The following PELI2 variants were observed in gnomAD, a reference collection of about 807,000 sequenced individuals.
PELI2 encodes E3 ubiquitin-protein ligase pellino homolog 2.
A neutral mutation model predicts 42.3 loss-of-function variants in PELI2; 23 were observed. The observed-to-expected ratio is 0.54, with a 90% CI of 0.39 to 0.77. PELI2 has a LOEUF of 0.77. PELI2 is among the 30% of genes least tolerant of loss of function. The pLI is 0.00. For synonymous variants in PELI2, 245 were observed against 212.2 expected, an observed-to-expected ratio of 1.15 and a Z score of -1.34; for missense variants, 463 against 553.2, an observed-to-expected ratio of 0.84 and a Z score of 1.64.
At chr14:56,172,644 G>A (rs1248581816) in intron 1 of PELI2, among the ~76,000 whole-genome samples, 1 of 152,164 alleles carries the variant, frequency 6.6e-6, no homozygotes, top group East Asian at 1.9e-4. Flanking sequence ...GGACTGAAAA[G>A]CCAGCAAGTA....
At chr14:56,192,926 G>A (rs1168900855) in intron 2 of PELI2, among the ~76,000 whole-genome samples, 1 of 152,180 alleles carries the variant, frequency 6.6e-6, no homozygotes, top group Non-Finnish European at 1.5e-5. Flanking sequence ...GTAATAATAA[G>A]TGAGAAAATT....
At chr14:56,181,349 T>A (rs1885571956) in intron 2 of PELI2, among the ~76,000 whole-genome samples, 2 of 150,450 alleles carry the variant, frequency 1.3e-5, no homozygotes. Flanking sequence ...ACTTTTTTTT[T>A]TTTTTTTTTT....
chr14:56,142,192 A>C (rs1384550511), intron 1 of PELI2, among the ~76,000 whole-genome samples: 1 of 152,236 alleles, frequency 6.6e-6, no homozygotes, highest in Non-Finnish European at 1.5e-5. Flanking sequence ...GTAAATAGGC[A>C]ACAAATATAT....
chr14:56,250,947 G>C (rs773416860), intron 2 of PELI2, among the ~76,000 whole-genome samples: 4 of 152,232 alleles, frequency 2.6e-5, no homozygotes, highest in Non-Finnish European at 5.9e-5. Context: ...AGCAAGGGAA[G>C]AAGCTGGGAA....
chr14:56,212,571 A>G (rs1269885990), intron 2 of PELI2, among the ~76,000 whole-genome samples: 1 of 152,174 alleles, frequency 6.6e-6, no homozygotes, highest in Non-Finnish European at 1.5e-5. Context: ...TCTGAGGACA[A>G]CTGAAGCTCC....
chr14:56,162,558 T>C (rs1884804378), intron 1 of PELI2, among the ~76,000 whole-genome samples: 1 of 152,218 alleles, frequency 6.6e-6, no homozygotes, highest in Non-Finnish European at 1.5e-5. Context: ...TTGTAAACAG[T>C]GCTGCAGCAA....
At chr14:56,278,700 A>C (rs1889378542) in intron 2 of PELI2, among the ~76,000 whole-genome samples, 1 of 152,190 alleles carries the variant, frequency 6.6e-6, no homozygotes, top group South Asian at 2.1e-4. Flanking sequence ...GTCAAATATA[A>C]ATGTTTAGTA....
chr14:56,248,091 G>A (rs192025615), intron 2 of PELI2, among the ~76,000 whole-genome samples: 3 of 152,294 alleles, frequency 2.0e-5, no homozygotes, highest in Admixed American at 6.5e-5. Context: ...TTTTTAGCAC[G>A]ATCAGATTGA....
chr14:56,238,700 T>C (rs1371656844), intron 2 of PELI2, among the ~76,000 whole-genome samples: 2 of 152,352 alleles, frequency 1.3e-5, no homozygotes, highest in East Asian at 3.9e-4. Flanking sequence ...AATTAATTCA[T>C]TACTAAGATA....
At chr14:56,163,731 G>A (rs915091743) in intron 1 of PELI2, among the ~76,000 whole-genome samples, 4 of 151,570 alleles carry the variant, frequency 2.6e-5, no homozygotes, top group African/African-American at 9.7e-5. Context: ...TCATTTTTTG[G>A]TGTCCTCTTC....
chr14:56,260,410 G>C (rs1440419965), intron 2 of PELI2, among the ~76,000 whole-genome samples: 1 of 152,146 alleles, frequency 6.6e-6, no homozygotes, highest in African/African-American at 2.4e-5. Flanking sequence ...ACATTTGTAT[G>C]AAATTCCAGA....
At chr14:56,283,540 C>T (rs72720076) in intron 3 of PELI2, among the ~76,000 whole-genome samples, 1,895 of 152,306 alleles carry the variant, frequency 0.012, 16 homozygotes, top group Non-Finnish European at 0.018. Flanking sequence ...GACCCCATGG[C>T]AGGGTCTCAG....
At chr14:56,131,295 T>C (rs1473072654) in intron 1 of PELI2, among the ~76,000 whole-genome samples, 1 of 152,248 alleles carries the variant, frequency 6.6e-6, no homozygotes, top group Non-Finnish European at 1.5e-5. Flanking sequence ...TTCTGAGAGC[T>C]GGCATAGCTT....
In PELI2 at chr14:56,298,108, T is replaced by A. The variant is rs1333736471; in HGVS notation, c.*942T>A. ...GAGGTTTCATAAAGCTTGGGGTTTTTTTTTTTCCTTTGTTAAGAAAGCCAA... is the reference window on the plus strand; with the variant it reads ...GAGGTTTCATAAAGCTTGGGGTTTTATTTTTTCCTTTGTTAAGAAAGCCAA... On this transcript the variant is annotated 3_prime_UTR_variant, in exon 6 of 6. Coordinates refer to ENST00000267460, the MANE Select transcript of PELI2 (RefSeq NM_021255.3). The A allele has an allele frequency of 2.6e-5, 4 of 152,482 alleles. No individual in the cohort carries two copies. The highest frequency in any genetic ancestry group is 5.9e-5 in the Non-Finnish European group (4 of 68,000). 9.4% of individuals were successfully genotyped at this position (152,482 alleles called of 1,614,324 possible).
At chr14:56,220,412 G>A (rs1887082902) in intron 2 of PELI2, among the ~76,000 whole-genome samples, 1 of 152,170 alleles carries the variant, frequency 6.6e-6, no homozygotes, top group African/African-American at 2.4e-5. Flanking sequence ...ATAAAACACA[G>A]CATGTATCTA....
intron 3 of PELI2, among the ~76,000 whole-genome samples, chr14:56,281,381 C>T (rs1456117363): frequency 2.0e-5 from 3 of 152,036 alleles, no homozygotes; most frequent in African/African-American, 7.2e-5. Flanking sequence ...TGAAAAAAGG[C>T]ATATGTCCAC....
intron 1 of PELI2, among the ~76,000 whole-genome samples, chr14:56,173,933 G>C (rs1047674326): frequency 1.3e-5 from 2 of 152,144 alleles, no homozygotes; most frequent in Non-Finnish European, 2.9e-5. Context: ...ACTGAGTCTT[G>C]CTCTGTCGCC....
chr14:56,237,321 C>G (rs1182950154), intron 2 of PELI2, among the ~76,000 whole-genome samples: 3 of 152,194 alleles, frequency 2.0e-5, no homozygotes, highest in Non-Finnish European at 4.4e-5. Flanking sequence ...CTGCTTTCCA[C>G]TACAGGGGCT....
At chr14:56,195,826 T>A (rs1432141782) in intron 2 of PELI2, among the ~76,000 whole-genome samples, 1 of 152,162 alleles carries the variant, frequency 6.6e-6, no homozygotes, top group Non-Finnish European at 1.5e-5. Flanking sequence ...AGCTGGCAGT[T>A]TGGGCCCCAG....
Sources: allele counts gnomAD v4.1 joint callset (sites outside exome capture counted in the v4.1 genomes callset), GRCh38; gene constraint gnomAD v4.1.1; transcripts MANE v1.5; gene names NCBI Gene and HGNC (gene_info 2026-07-23, HGNC 2026-07-21).